The following VPS41 variants were observed in gnomAD, a reference collection of about 807,000 sequenced individuals.
VPS41 encodes the protein VPS41 subunit of HOPS complex.
Under a neutral mutation model 130.9 loss-of-function variants are expected in VPS41, and 85 were observed. The ratio of observed to expected loss-of-function variants is 0.65; its 90% CI spans 0.55 to 0.78. VPS41 has a LOEUF of 0.78. VPS41 is among the 30% of genes least tolerant of loss of function. The pLI is 0.00. For missense variants in VPS41, 874 were observed against 1,018.7 expected, an observed-to-expected ratio of 0.86 and a Z score of 1.93; for synonymous variants, 335 against 332.9, an observed-to-expected ratio of 1.01 and a Z score of -0.07.
intron 7 of VPS41, among the ~76,000 whole-genome samples, chr7:38,811,246 A>G (rs773278045): frequency 3.3e-5 from 5 of 152,156 alleles, no homozygotes; most frequent in South Asian, 2.1e-4. Flanking sequence ...AATAATCTTT[A>G]CAAGTACATA....
intron 2 of VPS41, among the ~76,000 whole-genome samples, chr7:38,873,654 C>A (rs1036091642): frequency 2.0e-5 from 3 of 152,064 alleles, no homozygotes; most frequent in Non-Finnish European, 4.4e-5. Flanking sequence ...TGCAGCTAAG[C>A]GAAGATATGA....
chr7:38,797,041 C>G, intron 7 of VPS41, 177 bp from the exon 8 acceptor site: 1 of 680,548 alleles, frequency 1.5e-6, no homozygotes, highest in Non-Finnish European at 2.4e-6. Flanking sequence ...CCTAGCACAT[C>G]ATATTCTCCC....
rs1787334078 is a variant in VPS41 at position 38,909,184 on chromosome 7, G to A, written c.-10C>T. 6.2e-7 allele frequency: 1 copy of A among 1,614,080 alleles called. No individual in the cohort carries two copies. The highest frequency in any genetic ancestry group is 1.7e-5 in the Admixed American group (1 of 60,000). ...CCTCTGCTTCCGCCATGGCGCCACGGGAGAGTCACCTGACAGACCCGGAAA... is the reference window on the plus strand; with the variant it reads ...CCTCTGCTTCCGCCATGGCGCCACGAGAGAGTCACCTGACAGACCCGGAAA... On this transcript the variant is annotated 5_prime_UTR_variant, in exon 1 of 29. Coordinates refer to ENST00000310301, the MANE Select transcript of VPS41 (RefSeq NM_014396.4).
At chr7:38,874,082 T>C (rs1228273826) in intron 2 of VPS41, among the ~76,000 whole-genome samples, 2 of 152,208 alleles carry the variant, frequency 1.3e-5, no homozygotes, top group African/African-American at 4.8e-5. Flanking sequence ...TTTTTCAGTG[T>C]TTACAACCAA....
chr7:38,728,282 G>C (rs954260511), intron 27 of VPS41: 2 of 634,898 alleles, frequency 3.2e-6, no homozygotes, highest in Non-Finnish European at 5.6e-6. Context: ...AGACTCTAGG[G>C]AGTCTGACTG....
At chr7:38,773,759 C>T (rs1024059037) in intron 12 of VPS41, among the ~76,000 whole-genome samples, 13 of 152,152 alleles carry the variant, frequency 8.5e-5, no homozygotes, top group African/African-American at 3.1e-4. Flanking sequence ...AGCGAACTTT[C>T]CTGACACATA....
intron 2 of VPS41, among the ~76,000 whole-genome samples, chr7:38,897,194 C>CAAAA (rs60717646): frequency 0.026 from 2,968 of 115,388 alleles, 97 homozygotes; most frequent in Middle Eastern, 0.046. Context: ...AACTCTGTCT[C>CAAAA]AAAAAAAAAA....
At chr7:38,744,651 T>C (rs1240168575) in intron 23 of VPS41, among the ~76,000 whole-genome samples, 1 of 152,202 alleles carries the variant, frequency 6.6e-6, no homozygotes, top group Non-Finnish European at 1.5e-5. Flanking sequence ...AATTAGTGAA[T>C]TGATGAGCTA....
At chr7:38,898,215 T>A (rs1410998464) in intron 1 of VPS41, 86 bp from the exon 2 acceptor site, 1 of 1,162,440 alleles carries the variant, frequency 8.6e-7, no homozygotes, top group Non-Finnish European at 1.3e-6. Flanking sequence ...ATGTTCCTAC[T>A]ACCACGCATC....
chr7:38,859,353 G>A (rs906386758), intron 4 of VPS41, among the ~76,000 whole-genome samples: 4 of 152,066 alleles, frequency 2.6e-5, no homozygotes, highest in Non-Finnish European at 5.9e-5. Flanking sequence ...AATGTCTACA[G>A]TAGTGTACAC....
At chr7:38,776,823 G>GC in intron 10 of VPS41, 47 bp from the exon 11 acceptor site, 2 of 1,062,356 alleles carry the variant, frequency 1.9e-6, no homozygotes, top group Non-Finnish European at 2.9e-6. Context: ...GGGGCAAACA[G>GC]CAGCACACAT....
chr7:38,753,384 C>G (rs754053752), intron 21 of VPS41, among the ~76,000 whole-genome samples: 1 of 151,866 alleles, frequency 6.6e-6, no homozygotes, highest in East Asian at 1.9e-4. Context: ...TAAGGCAAAA[C>G]GGAGCAGTAC....
intron 2 of VPS41, among the ~76,000 whole-genome samples, chr7:38,896,289 C>T (rs1488598448): frequency 3.9e-5 from 6 of 152,148 alleles, no homozygotes; most frequent in Non-Finnish European, 7.4e-5. Flanking sequence ...ATAAGGTAAC[C>T]TAAAATGCTT....
chr7:38,819,412 T>C (rs765445355), intron 6 of VPS41, among the ~76,000 whole-genome samples: 6 of 152,204 alleles, frequency 3.9e-5, no homozygotes, highest in Non-Finnish European at 7.3e-5. Flanking sequence ...GGCAAAAACC[T>C]TCCCAGGACA....
chr7:38,800,915 A>G (rs1784713633), intron 7 of VPS41, among the ~76,000 whole-genome samples: 2 of 152,240 alleles, frequency 1.3e-5, no homozygotes, highest in Admixed American at 6.5e-5. Context: ...ATGTATTAGA[A>G]TGAATTTACA....
At chr7:38,791,650 C>T (rs182576097) in intron 9 of VPS41, among the ~76,000 whole-genome samples, 9 of 152,164 alleles carry the variant, frequency 5.9e-5, no homozygotes, top group Admixed American at 5.9e-4. Context: ...GGGCCTTCAA[C>T]TGGAAGCTCA....
At chr7:38,731,605 C>A (rs1323775510) in intron 25 of VPS41, among the ~76,000 whole-genome samples, 3 of 152,258 alleles carry the variant, frequency 2.0e-5, no homozygotes, top group Admixed American at 2.0e-4. Flanking sequence ...AGACTATCAT[C>A]ACCTTCCCCA....
At chr7:38,783,047 G>C (rs976029449) in intron 10 of VPS41, among the ~76,000 whole-genome samples, 1 of 151,892 alleles carries the variant, frequency 6.6e-6, no homozygotes, top group African/African-American at 2.4e-5. Flanking sequence ...GAACCCGCGA[G>C]CACCCAGGAG....
chr7:38,754,687 G>A lies in VPS41; in HGVS notation c.1788+15C>T, dbSNP rs1783753531. 5 of 1,610,976 alleles carry A rather than the reference G, an allele frequency of 3.1e-6. No homozygotes were observed. Among genetic ancestry groups the A allele is most frequent in the Non-Finnish European group, 4.2e-6 (5 of 1,177,472 alleles). ...GTCAATCAAAAGGGCAAAAGGAGGA[G>A]ACTGCCATGCTCACCACATGCTGTA... On this transcript the variant is annotated intron_variant, in intron 21 of 28. Transcript: ENST00000310301.
Sources: allele counts gnomAD v4.1 joint callset (sites outside exome capture counted in the v4.1 genomes callset), GRCh38; gene constraint gnomAD v4.1.1; transcripts MANE v1.5; gene names NCBI Gene and HGNC (gene_info 2026-07-23, HGNC 2026-07-21).